Variants in MYH9 observed in about 807,000 individuals in gnomAD.
The protein encoded by MYH9 is myosin heavy chain 9.
In MYH9, 29 loss-of-function variants were observed where a neutral mutation model predicts 241.9. The ratio of observed to expected loss-of-function variants is 0.12; its 90% CI spans 0.09 to 0.16. The LOEUF is 0.16. Ranked by LOEUF, MYH9 falls within the 10% of genes least tolerant of loss-of-function variation. The probability of loss-of-function intolerance (pLI) is 1.00; values close to 1 mark genes in which losing one functional copy is unlikely to be tolerated. For synonymous variants in MYH9, 1,047 were observed against 1,062.6 expected (o/e 0.99, Z 0.29); for missense variants, 1,803 against 2,595.5 (o/e 0.69, Z 6.63).
intron 1 of MYH9, among the ~76,000 whole-genome samples, chr22:36,379,693 T>C (rs1033837957): frequency 5.9e-5 from 9 of 152,100 alleles, no homozygotes; most frequent in Non-Finnish European, 1.0e-4. Context: ...CTACAGGCCT[T>C]AGCCCAACCT....
intron 10 of MYH9, among the ~76,000 whole-genome samples, chr22:36,318,827 G>A (rs1337904043): frequency 5.3e-5 from 8 of 151,868 alleles, no homozygotes; most frequent in Non-Finnish European, 8.8e-5. Context: ...GCAGTGGCGC[G>A]ATTTCGGCTC....
chr22:36,382,359 C>T (rs555231792), intron 1 of MYH9, among the ~76,000 whole-genome samples: 34 of 150,920 alleles, frequency 2.3e-4, no homozygotes, highest in Non-Finnish European at 4.3e-4. Flanking sequence ...CCTGTAATCC[C>T]AGCTACTTGG....
At chr22:36,283,543 A>T (rs2016527491) in intron 40 of MYH9, among the ~76,000 whole-genome samples, 2 of 151,540 alleles carry the variant, frequency 1.3e-5, no homozygotes, top group Non-Finnish European at 2.9e-5. Flanking sequence ...GTCTCAAAAA[A>T]AAAAAACAAA....
Position 36,293,874 on chromosome 22 carries a change from C to A in MYH9, c.3838-11G>T. On this transcript the variant is annotated splice_polypyrimidine_tract_variant and intron_variant, in intron 28 of 40. Transcript: ENST00000216181. This position sits in a 1 kb window ranked among gnomAD's most constrained non-coding sequence, Gnocchi z 5.1. Reference sequence around the variant, plus strand: ...GTTGTCCAGCTCCACCTGCACCGGGCGGGGAGACACAAAGGACCATGGACC... The same window carrying A: ...GTTGTCCAGCTCCACCTGCACCGGGAGGGGAGACACAAAGGACCATGGACC... The A allele has an allele frequency of 1.2e-6, 2 of 1,609,818 alleles. No individual in the cohort carries two copies. Among genetic ancestry groups the A allele is most frequent in the Non-Finnish European group, 1.7e-6 (2 of 1,178,092 alleles).
intron 2 of MYH9, among the ~76,000 whole-genome samples, chr22:36,346,608 C>CT (rs1277840247): frequency 4.6e-5 from 7 of 151,884 alleles, no homozygotes; most frequent in African/African-American, 9.7e-5. Context: ...AATCTTTTTT[C>CT]TTTTTTTTGT....
chr22:36,282,906 C>T (rs2016516606), intron 40 of MYH9, 121 bp from the exon 41 acceptor site: 1 of 857,448 alleles, frequency 1.2e-6, no homozygotes, highest in Non-Finnish European at 1.8e-6. Flanking sequence ...CTGCTCCCAC[C>T]AGAAAGAAGC....
chr22:36,341,063 A>C (rs2017579765), intron 3 of MYH9, among the ~76,000 whole-genome samples: 1 of 152,208 alleles, frequency 6.6e-6, no homozygotes. Flanking sequence ...GAACAGGAAG[A>C]AGAAGGGGCC....
intron 1 of MYH9, among the ~76,000 whole-genome samples, chr22:36,367,704 C>T (rs1405707680): frequency 2.0e-5 from 3 of 152,188 alleles, no homozygotes; most frequent in Non-Finnish European, 4.4e-5. Flanking sequence ...TACCACTCAC[C>T]AAGCAGCACT....
At chr22:36,348,860 G>A (rs1284728048) in intron 2 of MYH9, 44 bp downstream of exon 2, 3 of 1,199,184 alleles carry the variant, frequency 2.5e-6, no homozygotes, top group Non-Finnish European at 3.4e-6. Context: ...CCCCACCTCG[G>A]AGCCCTCAGA....
intron 3 of MYH9, among the ~76,000 whole-genome samples, chr22:36,328,024 C>T (rs565519686): frequency 7.2e-5 from 11 of 152,344 alleles, no homozygotes; most frequent in African/African-American, 1.2e-4. Context: ...GGGACAGGTG[C>T]GCAGGCTTCT....
intron 24 of MYH9, 117 bp from the exon 25 acceptor site, chr22:36,297,131 A>G: frequency 4.1e-6 from 5 of 1,208,252 alleles, no homozygotes; most frequent in Non-Finnish European, 5.9e-6. Context: ...TTAAAGCATC[A>G]CAAACACACA....
chr22:36,322,873 G>T (rs1292194683), intron 5 of MYH9, among the ~76,000 whole-genome samples: 3 of 152,226 alleles, frequency 2.0e-5, no homozygotes, highest in Non-Finnish European at 2.9e-5. Context: ...CTGGGACAGT[G>T]TCTCCACCCT....
At chr22:36,334,762 T>C (rs1452998589) in intron 3 of MYH9, among the ~76,000 whole-genome samples, 1 of 152,154 alleles carries the variant, frequency 6.6e-6, no homozygotes, top group East Asian at 1.9e-4. Context: ...CAGGTACTTA[T>C]CGCAGGCATC....
At chr22:36,316,843 A>C (rs2146359476) in intron 11 of MYH9, among the ~76,000 whole-genome samples, 174 bp from the exon 12 acceptor site, 1 of 152,344 alleles carries the variant, frequency 6.6e-6, no homozygotes, top group South Asian at 2.1e-4. Flanking sequence ...GTGTTATTTA[A>C]AATGATGAAA....
Position 36,295,514 on chromosome 22 carries a change from T to C in MYH9, c.3476A>G (p.Gln1159Arg). The change falls in exon 26 of 41, where the codon CAG becomes CGG. Residue 1159 changes from glutamine (Q) to arginine (R), a missense_variant. Physicochemically the swap from Gln to Arg is conservative, Grantham distance 43. Around this residue, in one of 11 missense-constraint regions of MYH9, gnomAD observed 11 missense variants for 37.1 expected, o/e 0.30. Coordinates refer to ENST00000216181, the MANE Select transcript of MYH9 (RefSeq NM_002473.6). The surrounding 1 kb of genome is among the most constrained non-coding windows in gnomAD (Gnocchi z 4.1). ...EDTLDSTAAQQELRSKREQEV... is the reference protein window; with the variant it reads ...EDTLDSTAAQRELRSKREQEV... ...TGGTCCCAGGGCACACCTGAGCTCC[T>C]GCTGGGCAGCTGTGGAATCCAGCGT... is the stretch of plus-strand genomic sequence containing the variant. The C allele has an allele frequency of 6.2e-7, 1 of 1,612,796 alleles. No individual in the cohort carries two copies. Among genetic ancestry groups the C allele is most frequent in the Non-Finnish European group, 8.5e-7 (1 of 1,179,990 alleles).
In MYH9 at chr22:36,293,211, G is replaced by A; in HGVS notation, c.4095+118C>T. 7.3e-7 allele frequency: 1 copy of A among 1,377,016 alleles called. No individual in the cohort carries two copies. The highest frequency in any genetic ancestry group is 1.0e-6 in the Non-Finnish European group (1 of 993,530). The allele number at this position is 1,377,016 out of a possible 1,614,324, so 85.3% of individuals were successfully genotyped here. Reference sequence around the variant, plus strand: ...GTGGGAGAGCACGGTTGGCTTCCCAGGGGGAGAGCAGCAATGGGCCGGCCC... The same window carrying A: ...GTGGGAGAGCACGGTTGGCTTCCCAAGGGGAGAGCAGCAATGGGCCGGCCC... On this transcript the variant is annotated intron_variant, in intron 30 of 40. Transcript: ENST00000216181. This position sits in a 1 kb window ranked among gnomAD's most constrained non-coding sequence, Gnocchi z 5.1.
At position 36,282,211 on chromosome 22, in the gene MYH9, A is replaced by G; in HGVS notation, c.*457T>C. 1 of 354,782 alleles carries G rather than the reference A, an allele frequency of 2.8e-6. No homozygotes were observed. The highest frequency in any genetic ancestry group is 5.3e-6 in the Non-Finnish European group (1 of 189,064). 22.0% of individuals were successfully genotyped at this position (354,782 alleles called of 1,614,324 possible). A position where few individuals can be genotyped will look rare whatever the true frequency, so the allele number is the denominator to read the frequency against. On this transcript the variant is annotated 3_prime_UTR_variant, in exon 41 of 41. Coordinates refer to ENST00000216181, the MANE Select transcript of MYH9 (RefSeq NM_002473.6). ...GTCACCACGTGTGATTGCAAACAGC[A>G]AAGAAAGGAGGAGGAGTGGGGGCGC... is the stretch of plus-strand genomic sequence containing the variant.
chr22:36,341,793 G>A (rs892057240), intron 2 of MYH9, among the ~76,000 whole-genome samples: 5 of 152,172 alleles, frequency 3.3e-5, no homozygotes, highest in African/African-American at 2.4e-5. Flanking sequence ...GTGAGTGTGC[G>A]TATCCACCAG....
chr22:36,382,397 C>T (rs1031713954), intron 1 of MYH9, among the ~76,000 whole-genome samples: 5 of 152,190 alleles, frequency 3.3e-5, no homozygotes, highest in Admixed American at 1.3e-4. Flanking sequence ...ATCGCTTGAA[C>T]CCAGGAGGCG....
Sources: allele counts gnomAD v4.1 joint callset (sites outside exome capture counted in the v4.1 genomes callset), GRCh38; gene constraint gnomAD v4.1.1; regional missense constraint gnomAD v4.1.1; non-coding constraint Gnocchi (gnomAD v3.1); transcripts MANE v1.5; gene names NCBI Gene and HGNC (gene_info 2026-07-23, HGNC 2026-07-21).